MIIP: variants seen among roughly 807,000 people sequenced by gnomAD.
The protein encoded by MIIP is migration and invasion inhibitory protein.
A neutral mutation model predicts 44.8 loss-of-function variants in MIIP; 44 were observed. The observed-to-expected ratio is 0.98, with a 90% CI of 0.77 to 1.26. The LOEUF (loss-of-function observed/expected upper bound fraction) is 1.26. Ranked by LOEUF, MIIP falls within the 50% of genes most tolerant of loss-of-function variation. MIIP has a pLI of 0.00. For missense variants in MIIP, 496 were observed against 511.7 expected (o/e 0.97, Z 0.30); for synonymous variants, 225 against 218.3 (o/e 1.03, Z -0.27).
chr1:12,031,673 C>T, intron 9 of MIIP, 49 bp from the exon 10 acceptor site: 2 of 1,613,872 alleles, frequency 1.2e-6, no homozygotes, highest in Non-Finnish European at 8.5e-7. Flanking sequence ...CTGGGGATGA[C>T]CTGTCCCTTT....
intron 4 of MIIP, among the ~76,000 whole-genome samples, chr1:12,026,540 G>A (rs1021763027): frequency 1.2e-4 from 19 of 152,144 alleles, no homozygotes; most frequent in Non-Finnish European, 2.4e-4. Flanking sequence ...AGCGTGCTCC[G>A]CCCCTCTGCT....
At chr1:12,021,257 G>A (rs1639967382) in intron 1 of MIIP, among the ~76,000 whole-genome samples, 1 of 151,982 alleles carries the variant, frequency 6.6e-6, no homozygotes, top group Admixed American at 6.6e-5. Context: ...AGCTGGGCGT[G>A]GTGGCAGGCG....
chr1:12,031,457 T>G, intron 9 of MIIP, 54 bp downstream of exon 9: 1 of 1,587,930 alleles, frequency 6.3e-7, no homozygotes, highest in South Asian at 1.1e-5. Flanking sequence ...GACAGAGACC[T>G]CGCAGCAGGC....
chr1:12,022,436 G>C lies in MIIP; in HGVS notation c.456G>C (p.Leu152=). The C allele has an allele frequency of 6.5e-7, 1 of 1,550,130 alleles. No individual in the cohort carries two copies. The highest frequency in any genetic ancestry group is 8.7e-7 in the Non-Finnish European group (1 of 1,149,056). Residue 152 remains leucine (L), a synonymous_variant, in exon 3 of 10, where the codon CTG becomes CTC. Coordinates refer to ENST00000235332, the MANE Select transcript of MIIP (RefSeq NM_021933.4). The part of the protein sequence containing the change: ...PRSILAQQSK[L]SKPRVTFSEE... The stretch of plus-strand genomic sequence containing the variant: ...CCATCCTGGCTCAACAGAGCAAGCT[G>C]TCCAAGGTAACGTGGGAGAGCGGGA...
At chr1:12,019,793 G>C (rs937744840) in intron 1 of MIIP, among the ~76,000 whole-genome samples, 3 of 152,282 alleles carry the variant, frequency 2.0e-5, no homozygotes, top group African/African-American at 7.2e-5. Flanking sequence ...AGCGCGGCCG[G>C]GGCCAGGGGA....
chr1:12,029,182 G>A (rs770211010), intron 5 of MIIP, 41 bp downstream of exon 5: 15 of 1,613,362 alleles, frequency 9.3e-6, no homozygotes, highest in South Asian at 3.3e-5. Context: ...GCGGCTGAGC[G>A]GCTCCATCCC....
At chr1:12,019,800 G>A (rs1639931135) in intron 1 of MIIP, among the ~76,000 whole-genome samples, 1 of 152,284 alleles carries the variant, frequency 6.6e-6, no homozygotes, top group African/African-American at 2.4e-5. Flanking sequence ...CCGGGGCCAG[G>A]GGAGGGCAAG....
chr1:12,021,793 G>T lies in MIIP; in HGVS notation c.67G>T (p.Val23Leu), dbSNP rs1441772009. The change falls in exon 2 of 10, where the codon GTG becomes TTG. Residue 23 changes from valine to leucine, a missense_variant. Coordinates refer to ENST00000235332, the MANE Select transcript of MIIP (RefSeq NM_021933.4). The part of the protein sequence containing the change: ...LNLELLRQLW[V>L]GQDAVRRSVA... ...TCTGGAGCTCCTGAGGCAGCTGTGGGTGGGGCAGGATGCTGTGCGGCGGTC... is the reference window on the plus strand; with the variant it reads ...TCTGGAGCTCCTGAGGCAGCTGTGGTTGGGGCAGGATGCTGTGCGGCGGTC... The T allele has an allele frequency of 2.5e-6, 4 of 1,612,684 alleles. No individual in the cohort carries two copies. Among genetic ancestry groups the T allele is most frequent in the Non-Finnish European group, 3.4e-6 (4 of 1,179,978 alleles).
In MIIP at chr1:12,031,722, G is replaced by T; in HGVS notation, c.1081G>T (p.Ala361Ser). 1 of 1,614,116 alleles carries T rather than the reference G, an allele frequency of 6.2e-7. No individual in the cohort carries two copies. Among genetic ancestry groups the T allele is most frequent in the Non-Finnish European group, 8.5e-7 (1 of 1,180,004 alleles). ...LSGTSSPFHPASPMQMLPPTP... is the reference protein window; with the variant it reads ...LSGTSSPFHPSSPMQMLPPTP... Reference sequence around the variant, plus strand: ...TGAGACTTCCCTATTCCCCATCCAGGCCTCACCAATGCAGATGCTGCCCCC... The same window carrying T: ...TGAGACTTCCCTATTCCCCATCCAGTCCTCACCAATGCAGATGCTGCCCCC... The change falls in exon 10 of 10, where the codon GCC (alanine) becomes TCC (serine). Residue 361 changes from alanine (A) to serine (S), a missense_variant and splice_region_variant. Physicochemically the swap from Ala to Ser is moderately conservative, Grantham distance 99. Transcript: ENST00000235332.
At chr1:12,029,435 T>A in intron 6 of MIIP, 154 bp downstream of exon 6, 1 of 898,802 alleles carries the variant, frequency 1.1e-6, no homozygotes, top group Non-Finnish European at 1.7e-6. Context: ...CTGGACAGGG[T>A]GGCCAAGCCC....
chr1:12,030,405 T>TA (rs1213951013), intron 8 of MIIP, among the ~76,000 whole-genome samples: 1 of 151,868 alleles, frequency 6.6e-6, no homozygotes, highest in Admixed American at 6.5e-5. Flanking sequence ...GCACAGTCCT[T>TA]AGGGGGCTTA....
In MIIP at chr1:12,024,373, G is replaced by GT. The variant is rs1640055751; in HGVS notation, c.547+1457dup. On this transcript the variant is annotated intron_variant, in intron 4 of 9. Transcript: ENST00000235332. ...TATGTCCCATTGCTGTCCTTTGCAT[G>GT]TGTATGTGTGTTTGTGTAAATACAT... is the stretch of plus-strand genomic sequence containing the variant. 7.9e-5 allele frequency among the ~76,000 whole-genome samples: 12 copies of GT among 152,224 alleles called. No homozygotes were observed. In the South Asian group the frequency reaches 2.5e-3, roughly 32 times the overall value.
Position 12,022,119 on chromosome 1 carries a change from T to TA in MIIP, c.140dup (p.Tyr47Ter). The TA allele has an allele frequency of 6.2e-7, 1 of 1,613,978 alleles. No homozygotes were observed. Among genetic ancestry groups the TA allele is most frequent in the South Asian group, 1.1e-5 (1 of 91,078 alleles). Residue 47 changes from tyrosine to a stop codon, truncating the protein, a stop_gained and frameshift_variant, in exon 3 of 10, where the codon TAC becomes TAAC. Coordinates refer to ENST00000235332, the MANE Select transcript of MIIP (RefSeq NM_021933.4). LOFTEE classifies it high-confidence loss of function. ...SESSLESSSSYNSETPSTPET... is the reference protein window; with the variant it reads ...SESSLESSSS ...GTCAAGCCTGGAATCCAGCAGCAGC[T>TA]ACAACTCAGAGACTCCATCGACCCC...
At position 12,030,034 on chromosome 1, in the gene MIIP, C is replaced by T. The variant is rs539955641; in HGVS notation, c.852C>T (p.Ser284=). The T allele has an allele frequency of 2.5e-6, 4 of 1,613,478 alleles. No homozygotes were observed. The East Asian group carries it at 6.7e-5, about 27-fold the overall frequency. Residue 284 remains serine (S), a synonymous_variant, in exon 8 of 10, where the codon AGC becomes AGT. Coordinates refer to ENST00000235332, the MANE Select transcript of MIIP (RefSeq NM_021933.4). The stretch of plus-strand genomic sequence containing the variant: ...CCACTGCCCCCCTGCGCAGGGTGAG[C>T]ATCCCGCTGTCGATCCTGGAGCCCC... ...TLAQPAHVRV[S]IPLSILEPPH...
rs750216315 is a variant in MIIP, at chr1:12,029,207, C to T, written c.657-16C>T. 25 of 1,613,506 alleles carry T rather than the reference C, an allele frequency of 1.5e-5. No individual in the cohort carries two copies. The South Asian group carries it at 2.4e-4, about 16-fold the overall frequency. ...GGCTCCATCCCCCGGCCTGCTCATC[C>T]CCCTCGCCCTCTCAGACCCCAGTTG... On this transcript the variant is annotated splice_polypyrimidine_tract_variant and intron_variant, in intron 5 of 9. Coordinates refer to ENST00000235332, the MANE Select transcript of MIIP (RefSeq NM_021933.4).
intron 4 of MIIP, among the ~76,000 whole-genome samples, chr1:12,024,281 G>A (rs974797690): frequency 3.9e-5 from 6 of 152,138 alleles, no homozygotes; most frequent in Non-Finnish European, 5.9e-5. Context: ...CTCTTTTCAC[G>A]TTATTGTCCA....
At position 12,027,155 on chromosome 1, in the gene MIIP, T is replaced by C. The variant is rs982326283; in HGVS notation, c.548-1878T>C. Reference sequence around the variant, plus strand: ...ACCTAAGTAGCTGGGATTACAGGCATGCACCACTACACTCAGCTCATTTTT... The same window carrying C: ...ACCTAAGTAGCTGGGATTACAGGCACGCACCACTACACTCAGCTCATTTTT... On this transcript the variant is annotated intron_variant, in intron 4 of 9. Transcript: ENST00000235332. Among the ~76,000 whole-genome samples the C allele has an allele frequency of 1.8e-4, 28 of 152,170 alleles. 1 individual carries two copies. In the South Asian group the frequency reaches 5.6e-3, roughly 30 times the overall value.
chr1:12,028,515 G>A (rs1249055594), intron 4 of MIIP, among the ~76,000 whole-genome samples: 6 of 151,904 alleles, frequency 3.9e-5, no homozygotes. Context: ...TCATCTCCCT[G>A]CGATGTCCTT....
chr1:12,030,006 C>A (rs893877172), intron 7 of MIIP, 22 bp from the exon 8 acceptor site: 7 of 1,609,464 alleles, frequency 4.3e-6, no homozygotes, highest in Non-Finnish European at 5.1e-6. Flanking sequence ...CCTCAGGGGT[C>A]CCCCACTGCC....
Sources: allele counts gnomAD v4.1 joint callset (sites outside exome capture counted in the v4.1 genomes callset), GRCh38; gene constraint gnomAD v4.1.1; transcripts MANE v1.5; gene names NCBI Gene and HGNC (gene_info 2026-07-23, HGNC 2026-07-21).